Variants in MACROD2 observed in about 807,000 individuals in gnomAD.
MACROD2 encodes the protein mono-ADP ribosylhydrolase 2.
MACROD2 carries 36 observed loss-of-function variants against 70.4 expected under a neutral mutation model. The ratio of observed to expected loss-of-function variants is 0.51; its 90% CI spans 0.39 to 0.68. The LOEUF (loss-of-function observed/expected upper bound fraction) is 0.68. MACROD2 is among the 30% of genes least tolerant of loss of function. MACROD2 has a pLI of 0.00. For synonymous variants in MACROD2, 172 were observed against 178.8 expected, an observed-to-expected ratio of 0.96 and a Z score of 0.30; for missense variants, 496 against 538.4, an observed-to-expected ratio of 0.92 and a Z score of 0.78.
chr20:14,982,107 T>C (rs963988335), intron 5 of MACROD2, among the ~76,000 whole-genome samples: 2 of 152,184 alleles, frequency 1.3e-5, no homozygotes, highest in South Asian at 2.1e-4. Flanking sequence ...ACTCTTGTTA[T>C]GTTTTAGGAA....
intron 4 of MACROD2, among the ~76,000 whole-genome samples, chr20:14,498,443 T>C (rs1568640557): frequency 6.6e-6 from 1 of 152,230 alleles, no homozygotes; most frequent in Non-Finnish European, 1.5e-5. Context: ...ATTGAGTTAC[T>C]ATTGTTTGTC....
intron 4 of MACROD2, among the ~76,000 whole-genome samples, chr20:14,503,178 T>A (rs1404982352): frequency 1.3e-5 from 2 of 152,166 alleles, no homozygotes; most frequent in Non-Finnish European, 2.9e-5. Context: ...CCCATGTGTA[T>A]GTCCAGCAGG....
At chr20:14,200,529 TAAAC>T (rs943638474) in intron 3 of MACROD2, among the ~76,000 whole-genome samples, 7 of 152,008 alleles carry the variant, frequency 4.6e-5, no homozygotes, top group Admixed American at 4.6e-4. Flanking sequence ...CCCCTGAACT[TAAAC>T]AAAAAACAAA....
intron 3 of MACROD2, among the ~76,000 whole-genome samples, chr20:14,321,799 T>C (rs1306278280): frequency 1.3e-5 from 2 of 152,168 alleles, no homozygotes; most frequent in Non-Finnish European, 2.9e-5. Context: ...AGGGGAATAA[T>C]ACTTTTAATA....
intron 3 of MACROD2, among the ~76,000 whole-genome samples, chr20:14,357,052 A>C (rs1316867451): frequency 6.6e-6 from 1 of 152,212 alleles, no homozygotes; most frequent in Non-Finnish European, 1.5e-5. Context: ...CTACTACTTC[A>C]TGGAGTACTA....
At chr20:15,425,582 G>A (rs1475826292) in intron 6 of MACROD2, among the ~76,000 whole-genome samples, 1 of 152,188 alleles carries the variant, frequency 6.6e-6, no homozygotes, top group Non-Finnish European at 1.5e-5. Flanking sequence ...TGTTGGCTAA[G>A]CAATTGAAAA....
intron 3 of MACROD2, among the ~76,000 whole-genome samples, chr20:14,257,100 C>A (rs974555871): frequency 9.2e-5 from 14 of 152,032 alleles, no homozygotes; most frequent in Non-Finnish European, 1.9e-4. Context: ...AAAACAAATA[C>A]AAAAAAATTC....
At chr20:15,251,208 C>T (rs1172708459) in intron 6 of MACROD2, among the ~76,000 whole-genome samples, 1 of 152,144 alleles carries the variant, frequency 6.6e-6, no homozygotes, top group African/African-American at 2.4e-5. Flanking sequence ...TTTATTTAAC[C>T]ACTTGCAATA....
chr20:14,642,881 G>T (rs1985173241), intron 4 of MACROD2, among the ~76,000 whole-genome samples: 1 of 151,938 alleles, frequency 6.6e-6, no homozygotes, highest in Non-Finnish European at 1.5e-5. Context: ...AGCATATACT[G>T]TTGGAAAAAG....
intron 4 of MACROD2, among the ~76,000 whole-genome samples, chr20:14,563,876 A>C (rs1160238530): frequency 6.6e-6 from 1 of 151,994 alleles, no homozygotes; most frequent in African/African-American, 2.4e-5. Flanking sequence ...ATCAAAAAAG[A>C]ACCTGAATAG....
At chr20:15,134,068 G>C (rs2076127189) in intron 5 of MACROD2, among the ~76,000 whole-genome samples, 1 of 149,774 alleles carries the variant, frequency 6.7e-6, no homozygotes, top group Non-Finnish European at 1.5e-5. Flanking sequence ...CACCTCACCT[G>C]GCTAATTTTT....
At chr20:14,887,445 T>C (rs1343782418) in intron 5 of MACROD2, among the ~76,000 whole-genome samples, 1 of 150,946 alleles carries the variant, frequency 6.6e-6, no homozygotes, top group Non-Finnish European at 1.5e-5. Flanking sequence ...CAGGCTCAAG[T>C]GCAGTGGCAT....
intron 5 of MACROD2, among the ~76,000 whole-genome samples, chr20:14,891,800 A>G (rs2073764347): frequency 1.3e-5 from 2 of 152,180 alleles, no homozygotes; most frequent in African/African-American, 4.8e-5. Context: ...AGATGGGCTC[A>G]TGATTAGTGA....
At chr20:15,775,618 C>T (rs34608080) in intron 8 of MACROD2, among the ~76,000 whole-genome samples, 5 of 151,846 alleles carry the variant, frequency 3.3e-5, no homozygotes, top group East Asian at 3.9e-4. Context: ...TTTTATTTTC[C>T]GTTTACATAT....
intron 15 of MACROD2, among the ~76,000 whole-genome samples, chr20:16,007,036 T>C (rs1348218945): frequency 6.6e-6 from 1 of 152,192 alleles, no homozygotes; most frequent in Admixed American, 6.5e-5. Flanking sequence ...AAACATGGGA[T>C]GTGTGTTCTG....
At chr20:14,064,439 G>T (rs1162015193) in intron 2 of MACROD2, among the ~76,000 whole-genome samples, 1 of 151,908 alleles carries the variant, frequency 6.6e-6, no homozygotes, top group African/African-American at 2.4e-5. Context: ...ACATATCCAG[G>T]ACTGACTTAA....
At chr20:14,580,813 C>T (rs1391467652) in intron 4 of MACROD2, among the ~76,000 whole-genome samples, 2 of 152,206 alleles carry the variant, frequency 1.3e-5, no homozygotes, top group Non-Finnish European at 2.9e-5. Flanking sequence ...ACTGTGTTAA[C>T]ATTTTAATGA....
chr20:14,397,972 A>G (rs1600199444), intron 3 of MACROD2, among the ~76,000 whole-genome samples: 1 of 152,014 alleles, frequency 6.6e-6, no homozygotes, highest in East Asian at 1.9e-4. Flanking sequence ...TCCACATGTG[A>G]GTAAGAACAT....
At chr20:14,184,675 T>C (rs2081331084) in intron 3 of MACROD2, among the ~76,000 whole-genome samples, 1 of 152,110 alleles carries the variant, frequency 6.6e-6, no homozygotes. Context: ...TGGAATATTT[T>C]TCTATTTGTG....
Sources: gnomAD v4.1 joint callset for allele counts (sites outside exome capture counted in the v4.1 genomes callset) on GRCh38, gnomAD v4.1.1 for gene constraint, MANE v1.5 for transcripts, NCBI Gene and HGNC (gene_info 2026-07-23, HGNC 2026-07-21) for gene names.